Variants in POFUT1 observed in about 807,000 individuals in gnomAD.
The protein encoded by POFUT1 is protein O-fucosyltransferase 1, also known as GDP-fucose protein O-fucosyltransferase 1.
A neutral mutation model predicts 42.4 loss-of-function variants in POFUT1; 16 were observed. The ratio of observed to expected loss-of-function variants is 0.38; its 90% CI spans 0.26 to 0.57. The LOEUF (loss-of-function observed/expected upper bound fraction) is 0.57. Ranked by LOEUF, POFUT1 falls within the 20% of genes least tolerant of loss-of-function variation. POFUT1 has a pLI of 0.71. For synonymous variants in POFUT1, 206 were observed against 205.4 expected, an observed-to-expected ratio of 1.00 and a Z score of -0.03; for missense variants, 470 against 504.6, an observed-to-expected ratio of 0.93 and a Z score of 0.66.
intron 4 of POFUT1, chr20:32,217,605 C>T: frequency 1.0e-6 from 1 of 985,884 alleles, no homozygotes; most frequent in South Asian, 4.7e-5. Context: ...GAGCAAGGGC[C>T]TGTCTCAGCA....
chr20:32,234,674 C>A lies in POFUT1; in HGVS notation c.*13C>A. 6.3e-7 allele frequency: 1 copy of A among 1,590,672 alleles called. No homozygotes were observed. Among genetic ancestry groups the A allele is most frequent in the Non-Finnish European group, 8.6e-7 (1 of 1,166,996 alleles). On this transcript the variant is annotated 3_prime_UTR_variant, in exon 7 of 7. Transcript: ENST00000375749. ...GGACGAGTTCTGATTCTGGCCGGAG[C>A]ACCAGACCCTCTGATCCTGGAGGGA...
intron 2 of POFUT1, among the ~76,000 whole-genome samples, chr20:32,211,176 A>G (rs1290054195): frequency 2.0e-5 from 3 of 152,210 alleles, no homozygotes; most frequent in African/African-American, 2.4e-5. Flanking sequence ...CAGTGTTGTC[A>G]TATGCCGCCT....
chr20:32,225,358 T>G (rs999529285), intron 4 of POFUT1, among the ~76,000 whole-genome samples: 2 of 151,824 alleles, frequency 1.3e-5, no homozygotes, highest in Non-Finnish European at 2.9e-5. Flanking sequence ...TGGCTAATTT[T>G]TTGTATTTTT....
At chr20:32,212,928 G>A (rs1351864000) in intron 2 of POFUT1, among the ~76,000 whole-genome samples, 8 of 149,118 alleles carry the variant, frequency 5.4e-5, no homozygotes, top group East Asian at 2.0e-4. Flanking sequence ...CTTGTCACCC[G>A]GGCTGGAGTG....
rs574051612 is a variant in POFUT1, at chr20:32,234,870, A to C, written c.*209A>C. The C allele has an allele frequency of 1.0e-5, 5 of 493,938 alleles. No homozygotes were observed. The highest frequency in any genetic ancestry group is 5.5e-4 in the Middle Eastern group (1 of 1,826). 30.6% of individuals were successfully genotyped at this position (493,938 alleles called of 1,614,324 possible). A position where few individuals can be genotyped will look rare whatever the true frequency, so the allele number is the denominator to read the frequency against. Reference sequence around the variant, plus strand: ...CTTGCAGGTTCCTAGGAGCAGGAGCATCTCCCATCGCACGTGCTTTCTGCT... The same window carrying C: ...CTTGCAGGTTCCTAGGAGCAGGAGCCTCTCCCATCGCACGTGCTTTCTGCT... On this transcript the variant is annotated 3_prime_UTR_variant, in exon 7 of 7. Coordinates refer to ENST00000375749, the MANE Select transcript of POFUT1 (RefSeq NM_015352.2).
At chr20:32,217,695 T>C (rs1600387738) in intron 4 of POFUT1, 3 of 985,392 alleles carry the variant, frequency 3.0e-6, no homozygotes, top group East Asian at 2.3e-4. Context: ...GTGCATGTCA[T>C]ACACTAAGCA....
intron 4 of POFUT1, among the ~76,000 whole-genome samples, chr20:32,227,835 C>G (rs1251385575): frequency 6.6e-6 from 1 of 152,042 alleles, no homozygotes; most frequent in East Asian, 1.9e-4. Flanking sequence ...ATACATAGTC[C>G]CTGTGAGTGT....
chr20:32,215,323 C>A lies in POFUT1; in HGVS notation c.301C>A (p.Arg101=). 6.2e-7 allele frequency: 1 copy of A among 1,614,076 alleles called. No individual in the cohort carries two copies. The highest frequency in any genetic ancestry group is 8.5e-7 in the Non-Finnish European group (1 of 1,179,950). The change falls in exon 3 of 7, where the codon CGG becomes AGG. Residue 101 remains arginine, a synonymous_variant. Coordinates refer to ENST00000375749, the MANE Select transcript of POFUT1 (RefSeq NM_015352.2). ...FKLEPLQAYH[R]VISLEDFMEK... The stretch of plus-strand genomic sequence containing the variant: ...GCTGGAGCCCCTCCAGGCTTACCAT[C>A]GGGTCATCAGCTTGGAGGATTTCAT...
intron 4 of POFUT1, among the ~76,000 whole-genome samples, chr20:32,227,853 C>T (rs1180769380): frequency 6.6e-6 from 1 of 152,154 alleles, no homozygotes; most frequent in Non-Finnish European, 1.5e-5. Flanking sequence ...TGTGACCTGG[C>T]CGTTGCTTCT....
intron 4 of POFUT1, among the ~76,000 whole-genome samples, chr20:32,225,482 C>T (rs1051549731): frequency 2.7e-5 from 4 of 150,832 alleles, no homozygotes; most frequent in African/African-American, 2.4e-5. Context: ...CCACCGCGCC[C>T]GGTCAACTTT....
At chr20:32,230,694 C>CAAA (rs35523833) in intron 5 of POFUT1, 125 bp from the exon 6 acceptor site, 189 of 914,990 alleles carry the variant, frequency 2.1e-4, no homozygotes, top group Non-Finnish European at 2.6e-4. Flanking sequence ...GACTCCGTCT[C>CAAA]AAAAAAAAAA....
intron 4 of POFUT1, among the ~76,000 whole-genome samples, chr20:32,222,418 T>A (rs996288233): frequency 6.6e-5 from 10 of 152,198 alleles, no homozygotes; most frequent in Non-Finnish European, 1.3e-4. Context: ...ACATCCCAAC[T>A]GGAGGAACAA....
At chr20:32,224,916 A>T (rs1417259041) in intron 4 of POFUT1, among the ~76,000 whole-genome samples, 2 of 152,228 alleles carry the variant, frequency 1.3e-5, no homozygotes, top group East Asian at 3.8e-4. Context: ...TGAAACATAA[A>T]GTTGAATTTT....
In POFUT1 at chr20:32,215,454, G is replaced by A. The variant is rs561489611; in HGVS notation, c.429+3G>A. 5.0e-6 allele frequency: 8 copies of A among 1,600,536 alleles called. No homozygotes were observed. The East Asian group carries it at 1.6e-4, about 31-fold the overall frequency. Reference sequence around the variant, plus strand: ...ATAAGAAGACGTGCCCCATGAAGGTGGGTCCTGTGGGTTCGGGGGCCCTTT... The same window carrying A: ...ATAAGAAGACGTGCCCCATGAAGGTAGGTCCTGTGGGTTCGGGGGCCCTTT... On this transcript the variant is annotated splice_donor_region_variant and intron_variant, in intron 3 of 6. Transcript: ENST00000375749.
rs376664217 is a variant in POFUT1, at chr20:32,216,681, A to G, written c.502A>G (p.Ile168Val). Residue 168 changes from isoleucine (I) to valine (V), a missense_variant, in exon 4 of 7, where the codon ATT (isoleucine) becomes GTT (valine). Transcript: ENST00000375749. ...SFNKSELFTG[I>V]SFSASYREQW... ...CAACAAGTCGGAGCTTTTTACAGGC[A>G]TTTCCTTCAGTGCTTCCTACAGAGA... is the stretch of plus-strand genomic sequence containing the variant. 2 of 1,613,728 alleles carry G rather than the reference A, an allele frequency of 1.2e-6. No homozygotes were observed. Among genetic ancestry groups the G allele is most frequent in the Non-Finnish European group, 1.7e-6 (2 of 1,179,644 alleles).
intron 6 of POFUT1, among the ~76,000 whole-genome samples, chr20:32,232,330 A>G (rs2047447762): frequency 6.6e-6 from 1 of 152,142 alleles, no homozygotes; most frequent in Admixed American, 6.6e-5. Context: ...AAAGAAAGAA[A>G]GAAAAGCAGA....
intron 1 of POFUT1, among the ~76,000 whole-genome samples, chr20:32,208,771 G>A (rs2047309758): frequency 6.6e-6 from 1 of 152,100 alleles, no homozygotes; most frequent in Non-Finnish European, 1.5e-5. Context: ...GGAATTCGAG[G>A]CTGCAGTGAG....
At chr20:32,210,751 T>G (rs1228000778) in intron 2 of POFUT1, among the ~76,000 whole-genome samples, 1 of 152,240 alleles carries the variant, frequency 6.6e-6, no homozygotes, top group East Asian at 1.9e-4. Context: ...CCCCAGTTCC[T>G]TGCTTATTCT....
intron 4 of POFUT1, 93 bp from the exon 5 acceptor site, chr20:32,228,170 G>A: frequency 2.0e-6 from 2 of 1,007,844 alleles, no homozygotes; most frequent in Non-Finnish European, 2.9e-6. Flanking sequence ...CAGGGTCTCT[G>A]GGGCATGGTG....
Sources: allele counts gnomAD v4.1 joint callset (sites outside exome capture counted in the v4.1 genomes callset), GRCh38; gene constraint gnomAD v4.1.1; transcripts MANE v1.5; gene names NCBI Gene and HGNC (gene_info 2026-07-23, HGNC 2026-07-21).